Variants in IDO1 observed in about 807,000 individuals in gnomAD.
IDO1 encodes indoleamine 2,3-dioxygenase 1.
IDO1 carries 35 observed loss-of-function variants against 38.8 expected under a neutral mutation model. That is an observed-to-expected ratio of 0.90 (90% confidence interval 0.69 to 1.20). IDO1 has a LOEUF of 1.20. Among genes scored for constraint, IDO1 ranks in the 50% most tolerant of loss-of-function variants. The pLI is 0.00. For missense variants in IDO1, 509 were observed against 485.1 expected, an observed-to-expected ratio of 1.05 and a Z score of -0.46; for synonymous variants, 171 against 170.0, an observed-to-expected ratio of 1.01 and a Z score of -0.05.
At chr8:39,919,273 T>C (rs1807232199) in intron 4 of IDO1, among the ~76,000 whole-genome samples, 1 of 152,188 alleles carries the variant, frequency 6.6e-6, no homozygotes, top group African/African-American at 2.4e-5. Context: ...TCAATTCCCT[T>C]TCCTGCCACA....
At chr8:39,918,461 C>T in intron 3 of IDO1, 1 of 498,492 alleles carries the variant, frequency 2.0e-6, no homozygotes, top group Middle Eastern at 5.5e-4. Flanking sequence ...ATACAGACTG[C>T]AATATCTAAC....
chr8:39,914,083 T>G, intron 1 of IDO1, 74 bp downstream of exon 1: 1 of 1,043,942 alleles, frequency 9.6e-7, no homozygotes, highest in South Asian at 1.4e-5. Context: ...TAACTTCTAC[T>G]GAACAACTGT....
rs1360991415 is a variant in IDO1, at chr8:39,917,966, A to G, written c.179A>G (p.Glu60Gly). 6.2e-7 allele frequency: 1 copy of G among 1,612,850 alleles called. No individual in the cohort carries two copies. The highest frequency in any genetic ancestry group is 8.5e-7 in the Non-Finnish European group (1 of 1,178,994). ...TCTGGCCAGCTTCGAGAAAGAGTTG[A>G]GAAGGTTTGACATATGTATTACATT... ...IESGQLRERV[E>G]KLNMLSIDHL... Residue 60 changes from glutamate to glycine, a missense_variant, in exon 2 of 10, where the codon GAG becomes GGG. Physicochemically the swap from Glu to Gly is moderately conservative, Grantham distance 98. Transcript: ENST00000518237.
chr8:39,921,081 C>G (rs1807265213), intron 5 of IDO1, among the ~76,000 whole-genome samples: 1 of 152,148 alleles, frequency 6.6e-6, no homozygotes, highest in South Asian at 2.1e-4. Flanking sequence ...GCGGAAGAAA[C>G]AGCAAAAGTG....
Position 39,925,260 on chromosome 8 carries a change from T to C in IDO1, c.745T>C (p.Tyr249His), listed in dbSNP as rs1213297117. ...GNPQLSDGLV[Y>H]EGFWEDPKEF... ...CCCCCAGCTATCAGACGGTCTGGTGTATGAAGGGTTCTGGGAAGACCCAAA... is the reference window on the plus strand; with the variant it reads ...CCCCCAGCTATCAGACGGTCTGGTGCATGAAGGGTTCTGGGAAGACCCAAA... Residue 249 changes from tyrosine (Y) to histidine (H), a missense_variant, in exon 9 of 10, where the codon TAT (tyrosine) becomes CAT (histidine). By Grantham distance (83) the Tyr-to-His change is moderately conservative. Transcript: ENST00000518237. 6.2e-7 allele frequency: 1 copy of C among 1,612,644 alleles called. No individual in the cohort carries two copies. Among genetic ancestry groups the C allele is most frequent in the Non-Finnish European group, 8.5e-7 (1 of 1,179,408 alleles).
chr8:39,924,575 A>G, intron 7 of IDO1, 146 bp from the exon 8 acceptor site: 2 of 603,438 alleles, frequency 3.3e-6, no homozygotes, highest in Non-Finnish European at 6.0e-6. Flanking sequence ...GTGAATGCTT[A>G]TCTGCAGGGG....
At chr8:39,914,237 C>T (rs1007551354) in intron 1 of IDO1, 8 of 391,730 alleles carry the variant, frequency 2.0e-5, no homozygotes, top group East Asian at 8.8e-5. Flanking sequence ...AACATGGATA[C>T]GGAGAGTGGT....
rs1488590566 is a variant in IDO1 at position 39,917,731 on chromosome 8, CAG to C, written c.88-141_88-140del. The C allele has an allele frequency of 9.4e-5, 58 of 615,434 alleles. 2 individuals carry two copies. The South Asian group carries it at 1.1e-3, about 12-fold the overall frequency. The allele number at this position is 615,434 out of a possible 1,614,324, so 38.1% of individuals were successfully genotyped here. A position where few individuals can be genotyped will look rare whatever the true frequency, so the allele number is the denominator to read the frequency against. ...AGCCCTGCGTGTGCAGATGACAAGA[CAG>C]AGGCTGGTGTTTCCAGACAGGTAAG... On this transcript the variant is annotated intron_variant, in intron 1 of 9. Transcript: ENST00000518237.
chr8:39,916,436 C>T (rs1807176765), intron 1 of IDO1, among the ~76,000 whole-genome samples: 1 of 152,052 alleles, frequency 6.6e-6, no homozygotes, highest in Non-Finnish European at 1.5e-5. Context: ...TGAGATTGCG[C>T]CACTGCACTC....
chr8:39,914,986 C>T (rs770271987), intron 1 of IDO1, among the ~76,000 whole-genome samples: 5 of 152,218 alleles, frequency 3.3e-5, no homozygotes, highest in South Asian at 4.1e-4. Flanking sequence ...AGGCTGGTCT[C>T]GAACTCCTGA....
At chr8:39,921,074 G>A (rs1158954977) in intron 5 of IDO1, among the ~76,000 whole-genome samples, 1 of 152,208 alleles carries the variant, frequency 6.6e-6, no homozygotes, top group Admixed American at 6.5e-5. Context: ...ATTCATAGCG[G>A]AAGAAACAGC....
intron 3 of IDO1, 38 bp from the exon 4 acceptor site, chr8:39,918,777 A>T (rs1485933606): frequency 2.0e-6 from 2 of 975,734 alleles, no homozygotes; most frequent in South Asian, 2.8e-5. Flanking sequence ...AAACAACAAC[A>T]ACAACAACAA....
Position 39,928,150 on chromosome 8 carries a change from A to G in IDO1, c.1177A>G (p.Ser393Gly). The change falls in exon 10 of 10, where the codon AGT becomes GGT. Residue 393 changes from serine (S) to glycine (G), a missense_variant. Physicochemically the swap from Ser to Gly is moderately conservative, Grantham distance 56 (BLOSUM62 0). Transcript: ENST00000518237. ...AATGAATTTCCTGAAGACTGTAAGA[A>G]GTACAACTGAGAAATCCCTTTTGAA... ...DLMNFLKTVRSTTEKSLLKEG is the reference protein window; with the variant it reads ...DLMNFLKTVRGTTEKSLLKEG 1 of 1,612,538 alleles carries G rather than the reference A, an allele frequency of 6.2e-7. No homozygotes were observed.
intron 7 of IDO1, among the ~76,000 whole-genome samples, chr8:39,924,131 A>G (rs1467169570): frequency 6.6e-6 from 1 of 152,168 alleles, no homozygotes; most frequent in African/African-American, 2.4e-5. Context: ...CAGACTCAAC[A>G]AATACTTGAT....
At position 39,918,862 on chromosome 8, in the gene IDO1, AC is replaced by A; in HGVS notation, c.352del (p.Leu118TrpfsTer26). The part of the protein sequence containing the change: ...AVPYCQLSKK[L>X]ELPPILVYAD... ...TTCCTTACTGCCAACTCTCCAAGAA[AC>A]TGGAACTGCCTCCTATTTTGGTTTA... is the stretch of plus-strand genomic sequence containing the variant. On this transcript the variant is annotated frameshift_variant, in exon 4 of 10. Coordinates refer to ENST00000518237, the MANE Select transcript of IDO1 (RefSeq NM_002164.6). LOFTEE classifies it high-confidence loss of function. 1 of 1,613,598 alleles carries A rather than the reference AC, an allele frequency of 6.2e-7. No individual in the cohort carries two copies. Among genetic ancestry groups the A allele is most frequent in the Non-Finnish European group, 8.5e-7 (1 of 1,179,602 alleles).
intron 6 of IDO1, 80 bp from the exon 7 acceptor site, chr8:39,923,389 G>C: frequency 1.2e-6 from 1 of 835,154 alleles, no homozygotes; most frequent in Non-Finnish European, 1.8e-6. Context: ...GGACAACTGA[G>C]CGAGACTCCG....
intron 3 of IDO1, 81 bp from the exon 4 acceptor site, chr8:39,918,734 A>T (rs1252718981): frequency 1.1e-5 from 8 of 737,566 alleles, no homozygotes; most frequent in Non-Finnish European, 1.8e-5. Flanking sequence ...GGACAGGAGC[A>T]AGACTCCATC....
Position 39,928,623 on chromosome 8 carries a change from C to A in IDO1, c.*438C>A, listed in dbSNP as rs1586215517. On this transcript the variant is annotated 3_prime_UTR_variant, in exon 10 of 10. Transcript: ENST00000518237. ...TGGCGGGCACCTGTAGTCCCAGCTA[C>A]TCGGGAGGCTGAGGCAGGAGAATGG... Among the ~76,000 whole-genome samples the A allele has an allele frequency of 6.6e-6, 1 of 151,594 alleles. No homozygotes were observed. Among genetic ancestry groups the A allele is most frequent in the South Asian group, 2.1e-4 (1 of 4,814 alleles).
At chr8:39,919,107 A>C in intron 4 of IDO1, 174 bp downstream of exon 4, 1 of 737,082 alleles carries the variant, frequency 1.4e-6, no homozygotes. Context: ...ACCACTACAA[A>C]TGTACACATA....
Sources: gnomAD v4.1 joint callset for allele counts (sites outside exome capture counted in the v4.1 genomes callset) on GRCh38, gnomAD v4.1.1 for gene constraint, MANE v1.5 for transcripts, NCBI Gene and HGNC (gene_info 2026-07-23, HGNC 2026-07-21) for gene names.